RAB27B: variants seen among roughly 807,000 people sequenced by gnomAD.
The protein encoded by RAB27B is RAB27B, member RAS oncogene family.
RAB27B carries 15 observed loss-of-function variants against 24.6 expected under a neutral mutation model. That is an observed-to-expected ratio of 0.61 (90% CI 0.41 to 0.94). The LOEUF (loss-of-function observed/expected upper bound fraction) is 0.94, where lower values mean the gene tolerates loss of function less well. RAB27B is among the 40% of genes least tolerant of loss of function. RAB27B has a pLI of 0.00. For missense variants in RAB27B, 261 were observed against 266.8 expected (o/e 0.98, Z 0.15); for synonymous variants, 105 against 92.5 (o/e 1.14, Z -0.78).
chr18:54,836,719 G>A (rs762229113), intron 1 of RAB27B, among the ~76,000 whole-genome samples: 5 of 151,756 alleles, frequency 3.3e-5, no homozygotes, highest in African/African-American at 4.9e-5. Context: ...CATTAAAATC[G>A]GAGGATTTAA....
intron 2 of RAB27B, among the ~76,000 whole-genome samples, chr18:54,730,761 A>C (rs1382201318): frequency 6.6e-6 from 1 of 152,190 alleles, no homozygotes; most frequent in African/African-American, 2.4e-5. Flanking sequence ...AGGCCTCACC[A>C]GAAGCAGATG....
At chr18:54,787,932 T>C (rs978935174) in intron 2 of RAB27B, among the ~76,000 whole-genome samples, 1 of 152,208 alleles carries the variant, frequency 6.6e-6, no homozygotes, top group Non-Finnish European at 1.5e-5. Context: ...ACTCAAGGAA[T>C]GTTGAAGCAG....
At chr18:54,836,999 T>C (rs942500618) in intron 1 of RAB27B, among the ~76,000 whole-genome samples, 1 of 145,854 alleles carries the variant, frequency 6.9e-6, no homozygotes. Context: ...TCTGATTTTT[T>C]GCTTAAAACA....
At chr18:54,872,088 T>C (rs1347312480) in intron 1 of RAB27B, among the ~76,000 whole-genome samples, 1 of 152,062 alleles carries the variant, frequency 6.6e-6, no homozygotes, top group Non-Finnish European at 1.5e-5. Context: ...CAAAATGCCA[T>C]GCAAGTGAGA....
At chr18:54,831,524 C>A (rs1598938670) in intron 1 of RAB27B, among the ~76,000 whole-genome samples, 1 of 152,114 alleles carries the variant, frequency 6.6e-6, no homozygotes, top group Non-Finnish European at 1.5e-5. Flanking sequence ...ATTTACTGAG[C>A]ATACTATGAA....
At chr18:54,752,760 G>T (rs1032957690) in intron 2 of RAB27B, among the ~76,000 whole-genome samples, 4 of 152,154 alleles carry the variant, frequency 2.6e-5, no homozygotes, top group African/African-American at 9.6e-5. Flanking sequence ...GCGTGCTGTT[G>T]TGGCCATTCT....
chr18:54,727,434 A>T (rs1909573315), intron 2 of RAB27B, among the ~76,000 whole-genome samples: 1 of 152,178 alleles, frequency 6.6e-6, no homozygotes, highest in Non-Finnish European at 1.5e-5. Context: ...TCAACTTCCT[A>T]AATATGATTT....
chr18:54,797,295 G>C (rs1440673229), intron 2 of RAB27B, among the ~76,000 whole-genome samples: 2 of 152,190 alleles, frequency 1.3e-5, no homozygotes, highest in Non-Finnish European at 2.9e-5. Flanking sequence ...TGAGGCCGAG[G>C]TGGGTGGCTC....
intron 1 of RAB27B, among the ~76,000 whole-genome samples, chr18:54,869,502 C>T (rs576198444): frequency 6.6e-6 from 1 of 152,120 alleles, no homozygotes; most frequent in African/African-American, 2.4e-5. Flanking sequence ...TAGAAATTGA[C>T]CCCACAGCAC....
rs545561517 is a variant in RAB27B, at chr18:54,843,797, A to T, written c.-20+15097A>T. On this transcript the variant is annotated intron_variant, in intron 1 of 5. Transcript: ENST00000262094. ...AATGTTAATATAAAGTCTTTTCTGA[A>T]ATGTTTCTTCAAATTCTATAAAATT... Among the ~76,000 whole-genome samples, 7 of 152,336 alleles carry T rather than the reference A, an allele frequency of 4.6e-5. 1 individual carries two copies. The East Asian group carries it at 1.3e-3, about 29-fold the overall frequency.
At chr18:54,774,725 A>G (rs1908661317) in intron 2 of RAB27B, among the ~76,000 whole-genome samples, 1 of 152,256 alleles carries the variant, frequency 6.6e-6, no homozygotes. Context: ...ATAAAGAAAC[A>G]CTGTTCAACA....
intron 1 of RAB27B, among the ~76,000 whole-genome samples, chr18:54,836,648 A>G (rs1294809525): frequency 6.6e-6 from 1 of 152,020 alleles, no homozygotes; most frequent in Non-Finnish European, 1.5e-5. Context: ...GCAATATTTT[A>G]TAACCAGTAG....
rs541899785 is a variant in RAB27B at position 54,872,397 on chromosome 18, G to A, written c.-19-5170G>A. On this transcript the variant is annotated intron_variant, in intron 1 of 5. Coordinates refer to ENST00000262094, the MANE Select transcript of RAB27B (RefSeq NM_004163.4). ...TCCCAGCACTTTGGGAGGCCGAGGCGGGCGGATCACCTGAGGTTGGGAGTT... is the reference window on the plus strand; with the variant it reads ...TCCCAGCACTTTGGGAGGCCGAGGCAGGCGGATCACCTGAGGTTGGGAGTT... Among the ~76,000 whole-genome samples the A allele has an allele frequency of 3.0e-3, 451 of 152,014 alleles. 3 individuals are homozygous for A. Among genetic ancestry groups the A allele is most frequent in the African/African-American group, 0.01 (427 of 41,484 alleles).
At chr18:54,806,819 T>C (rs1323222646) in intron 2 of RAB27B, among the ~76,000 whole-genome samples, 1 of 152,126 alleles carries the variant, frequency 6.6e-6, no homozygotes, top group Non-Finnish European at 1.5e-5. Context: ...TTGCTCAATA[T>C]CATACATAAA....
intron 2 of RAB27B, among the ~76,000 whole-genome samples, chr18:54,791,768 A>G (rs776478468): frequency 6.6e-6 from 1 of 152,218 alleles, no homozygotes; most frequent in African/African-American, 2.4e-5. Flanking sequence ...ATATCAGCAG[A>G]CAAAGACACA....
intron 1 of RAB27B, among the ~76,000 whole-genome samples, chr18:54,870,635 CAT>C (rs1912425487): frequency 6.6e-6 from 1 of 152,070 alleles, no homozygotes; most frequent in Non-Finnish European, 1.5e-5. Flanking sequence ...AACCATTAAA[CAT>C]ATGAAAACAT....
chr18:54,820,360 C>T (rs1225016207), intron 2 of RAB27B, among the ~76,000 whole-genome samples: 2 of 152,230 alleles, frequency 1.3e-5, no homozygotes, highest in African/African-American at 2.4e-5. Flanking sequence ...TTGCATTTCT[C>T]TGATGGCCAG....
chr18:54,860,357 G>A (rs1911963517), intron 1 of RAB27B, among the ~76,000 whole-genome samples: 1 of 151,926 alleles, frequency 6.6e-6, no homozygotes, highest in Admixed American at 6.6e-5. Flanking sequence ...CATCTGCCAC[G>A]GCCCCCTAAA....
chr18:54,774,170 C>T (rs1051314276), intron 2 of RAB27B, among the ~76,000 whole-genome samples: 4 of 152,194 alleles, frequency 2.6e-5, no homozygotes, highest in Non-Finnish European at 4.4e-5. Flanking sequence ...CCTCCTCCAA[C>T]AAGTGATGGT....
Sources: allele counts gnomAD v4.1 joint callset (sites outside exome capture counted in the v4.1 genomes callset), GRCh38; gene constraint gnomAD v4.1.1; transcripts MANE v1.5; gene names NCBI Gene and HGNC (gene_info 2026-07-23, HGNC 2026-07-21).